NCKAP5: variants seen among roughly 807,000 people sequenced by gnomAD.
NCKAP5 encodes the protein NCK associated protein 5.
Under a neutral mutation model 167.0 loss-of-function variants are expected in NCKAP5, and 92 were observed. The observed-to-expected ratio is 0.55, with a 90% confidence interval of 0.47 to 0.66. The LOEUF is 0.66. Among genes scored for constraint, NCKAP5 ranks in the 30% least tolerant of loss-of-function variants. NCKAP5 has a pLI of 0.00. For synonymous variants in NCKAP5, 891 were observed against 877.4 expected (o/e 1.02, Z -0.27); for missense variants, 2,378 against 2,315.0 (o/e 1.03, Z -0.56).
At chr2:132,825,552 T>C (rs1687068409) in intron 11 of NCKAP5, among the ~76,000 whole-genome samples, 1 of 152,178 alleles carries the variant, frequency 6.6e-6, no homozygotes, top group Non-Finnish European at 1.5e-5. Context: ...GACTTTTCCA[T>C]AAGGACTGAA....
chr2:133,603,466 C>T, the NCKAP5 span, among the ~76,000 whole-genome samples: 1,200 of 152,276 alleles, frequency 7.9e-3, 16 homozygotes, highest in Middle Eastern at 0.058. Flanking sequence ...CTCAGTTGAT[C>T]CGCCTATCTC....
At chr2:133,545,152 C>G (rs1558770661) in intron 2 of NCKAP5, among the ~76,000 whole-genome samples, 1 of 152,200 alleles carries the variant, frequency 6.6e-6, no homozygotes, top group South Asian at 2.1e-4. Flanking sequence ...ACAGAGGCAG[C>G]TAGTGTGGAC....
chr2:133,574,783 C>CA, the NCKAP5 span, among the ~76,000 whole-genome samples: 38 of 152,126 alleles, frequency 2.5e-4, no homozygotes, highest in African/African-American at 8.9e-4. Context: ...AGTGAGTCAG[C>CA]CCTAACCCAA....
rs942505673 is a variant in NCKAP5 at position 133,172,639 on chromosome 2, C to T, written c.207+41077G>A. Reference sequence around the variant, plus strand: ...GTGCCCACCACCACATCTGGCTAATCGTTTTTTTTTTGTTGTTGTTGTTTT... The same window carrying T: ...GTGCCCACCACCACATCTGGCTAATTGTTTTTTTTTTGTTGTTGTTGTTTT... On this transcript the variant is annotated intron_variant, in intron 5 of 19. Coordinates refer to ENST00000409261, the MANE Select transcript of NCKAP5 (RefSeq NM_207363.3). 6.1e-5 allele frequency among the ~76,000 whole-genome samples: 9 copies of T among 146,436 alleles called. No individual in the cohort carries two copies. The East Asian group carries it at 1.6e-3, about 27-fold the overall frequency.
At chr2:133,658,070 T>C in the NCKAP5 span, among the ~76,000 whole-genome samples, 2 of 152,016 alleles carry the variant, frequency 1.3e-5, no homozygotes, top group Admixed American at 6.5e-5. Flanking sequence ...AGCCCTCCCC[T>C]AACAGAGTTC....
chr2:133,165,023 T>A (rs548655409), intron 5 of NCKAP5, among the ~76,000 whole-genome samples: 17 of 152,250 alleles, frequency 1.1e-4, no homozygotes, highest in African/African-American at 4.1e-4. Context: ...TGATTTTGCC[T>A]CCCCTCTTCT....
chr2:133,568,435 T>C lies in NCKAP5; in HGVS notation c.-349A>G, dbSNP rs1688723056. 6.6e-6 allele frequency: 1 copy of C among 152,182 alleles called. No homozygotes were observed. The highest frequency in any genetic ancestry group is 1.5e-5 in the Non-Finnish European group (1 of 68,058). 9.4% of individuals were successfully genotyped at this position (152,182 alleles called of 1,614,324 possible). ...GCGGAGCAAGTTTGCGGAGACTTGC[T>C]CCCTGGGCTGCGGCTCCGTAGTTGC... On this transcript the variant is annotated 5_prime_UTR_variant, in exon 1 of 20. Transcript: ENST00000409261.
intron 6 of NCKAP5, among the ~76,000 whole-genome samples, chr2:133,015,502 C>T (rs1180092808): frequency 6.6e-6 from 1 of 152,148 alleles, no homozygotes; most frequent in African/African-American, 2.4e-5. Flanking sequence ...CGGCTCTGAT[C>T]CCTCTGTTCA....
chr2:132,687,163 T>C (rs778788966), intron 19 of NCKAP5, among the ~76,000 whole-genome samples: 6 of 152,114 alleles, frequency 3.9e-5, no homozygotes, highest in Non-Finnish European at 7.3e-5. Flanking sequence ...TTAAAGACGA[T>C]GAGAGATTTT....
At chr2:133,527,196 A>C (rs1280062341) in intron 2 of NCKAP5, 2 of 152,192 alleles carry the variant, frequency 1.3e-5, no homozygotes, top group Non-Finnish European at 2.9e-5. Context: ...CTGAGAGACA[A>C]CACAACTTGT....
chr2:133,523,544 C>T (rs1684642071), intron 2 of NCKAP5, among the ~76,000 whole-genome samples: 1 of 152,278 alleles, frequency 6.6e-6, no homozygotes, highest in African/African-American at 2.4e-5. Context: ...GAGTAGATTC[C>T]TAACTTCTCT....
the NCKAP5 span, among the ~76,000 whole-genome samples, chr2:133,624,932 T>C: frequency 2.0e-5 from 3 of 152,194 alleles, no homozygotes; most frequent in Non-Finnish European, 4.4e-5. Flanking sequence ...AATCCCTAAA[T>C]ACTGAAAGCA....
chr2:132,794,308 GGT>G (rs1684388902), intron 12 of NCKAP5, among the ~76,000 whole-genome samples: 1 of 50,098 alleles, frequency 2.0e-5, no homozygotes, highest in Non-Finnish European at 4.9e-5. Context: ...AGAGAGAGAG[GGT>G]GGCGGGAAGA....
intron 4 of NCKAP5, among the ~76,000 whole-genome samples, chr2:133,230,377 T>C (rs1040276698): frequency 2.7e-4 from 41 of 152,196 alleles, no homozygotes; most frequent in Non-Finnish European, 1.2e-4. Flanking sequence ...GGGCATTAAA[T>C]GAGTTATTTT....
chr2:133,008,163 G>A lies in NCKAP5; in HGVS notation c.342-13924C>T, dbSNP rs554404445. On this transcript the variant is annotated intron_variant, in intron 6 of 19. Transcript: ENST00000409261. ...GCAGGGCAAGTAAGTGTTGCTCTTG[G>A]TGGCCTTTTCCCATTGGGTGTTACT... is the stretch of plus-strand genomic sequence containing the variant. Among the ~76,000 whole-genome samples, 4 of 152,228 alleles carry A rather than the reference G, an allele frequency of 2.6e-5. No individual in the cohort carries two copies. The East Asian group carries it at 7.7e-4, about 29-fold the overall frequency.
chr2:133,630,286 T>C, the NCKAP5 span, among the ~76,000 whole-genome samples: 1 of 152,084 alleles, frequency 6.6e-6, no homozygotes, highest in Non-Finnish European at 1.5e-5. Context: ...GATTCATGGT[T>C]GCTTAGTGAT....
Position 132,782,940 on chromosome 2 carries a change from T to TG in NCKAP5, c.3870dup (p.Ile1291HisfsTer77), listed in dbSNP as rs1558765479. 1.9e-6 allele frequency: 3 copies of TG among 1,613,786 alleles called. No individual in the cohort carries two copies. The highest frequency in any genetic ancestry group is 2.5e-6 in the Non-Finnish European group (3 of 1,179,836). On this transcript the variant is annotated frameshift_variant, in exon 14 of 20. Transcript: ENST00000409261. LOFTEE classifies it high-confidence loss of function. ...GTGCGGACTTTGCCTGACCCTTCGA[T>TG]GGGGGGCGTAGAAGGCTTGTCTCCT...
At chr2:133,282,546 CT>C (rs1244328508) in intron 4 of NCKAP5, among the ~76,000 whole-genome samples, 3 of 152,132 alleles carry the variant, frequency 2.0e-5, no homozygotes, top group African/African-American at 2.4e-5. Context: ...GAAAACAGGA[CT>C]TTTGTAATAT....
chr2:133,513,694 T>A (rs998026083), intron 3 of NCKAP5, among the ~76,000 whole-genome samples: 1 of 152,208 alleles, frequency 6.6e-6, no homozygotes, highest in Non-Finnish European at 1.5e-5. Context: ...TACAAGCTTA[T>A]AAAACTATAC....
Sources: allele counts gnomAD v4.1 joint callset (sites outside exome capture counted in the v4.1 genomes callset), GRCh38; gene constraint gnomAD v4.1.1; transcripts MANE v1.5; gene names NCBI Gene and HGNC (gene_info 2026-07-23, HGNC 2026-07-21).